Variants in PRORP observed in about 807,000 individuals in gnomAD.
PRORP encodes mitochondrial ribonuclease P catalytic subunit.
In PRORP, 51 loss-of-function variants were observed where a neutral mutation model predicts 59.4. The observed-to-expected ratio is 0.86, with a 90% confidence interval of 0.69 to 1.08. The LOEUF (loss-of-function observed/expected upper bound fraction) is 1.08, where lower values mean the gene tolerates loss of function less well. PRORP is among the 50% of genes least tolerant of loss of function. PRORP has a pLI of 0.00. For synonymous variants in PRORP, 231 were observed against 245.6 expected (o/e 0.94, Z 0.55); for missense variants, 646 against 690.3 (o/e 0.94, Z 0.72).
In PRORP at chr14:35,262,669, A is replaced by C; in HGVS notation, c.1276-4058A>C. ...AACTGAAAGGAACTGGCTGCCGTTCAGACTATTTGTAGTCATGTACAGAAC... is the reference window on the plus strand; with the variant it reads ...AACTGAAAGGAACTGGCTGCCGTTCCGACTATTTGTAGTCATGTACAGAAC... On this transcript the variant is annotated intron_variant, in intron 5 of 7. Coordinates refer to ENST00000534898, the MANE Select transcript of PRORP (RefSeq NM_014672.4). The C allele has an allele frequency of 3.8e-6, 3 of 780,602 alleles. No homozygotes were observed. The East Asian group carries it at 7.3e-5, about 19-fold the overall frequency. 48.4% of individuals were successfully genotyped at this position (780,602 alleles called of 1,614,324 possible).
chr14:35,227,440 T>A (rs2049963731), intron 5 of PRORP, among the ~76,000 whole-genome samples: 1 of 150,850 alleles, frequency 6.6e-6, no homozygotes, highest in Admixed American at 6.6e-5. Flanking sequence ...CGAGACTCTG[T>A]CTCAAAAAAA....
intron 5 of PRORP, among the ~76,000 whole-genome samples, chr14:35,254,158 T>C (rs923723075): frequency 6.6e-6 from 1 of 151,946 alleles, no homozygotes; most frequent in African/African-American, 2.4e-5. Context: ...CTCTCCTTGT[T>C]TCCCACATCC....
intron 5 of PRORP, among the ~76,000 whole-genome samples, chr14:35,209,766 C>A (rs745371924): frequency 8.5e-5 from 13 of 152,244 alleles, no homozygotes; most frequent in Middle Eastern, 3.4e-3. Flanking sequence ...AAACTCCTGA[C>A]CTCAGGTGAT....
At chr14:35,181,172 C>T (rs773805054) in intron 5 of PRORP, among the ~76,000 whole-genome samples, 2 of 152,112 alleles carry the variant, frequency 1.3e-5, no homozygotes, top group African/African-American at 4.8e-5. Flanking sequence ...TCACTCATTA[C>T]TCACATTTGT....
chr14:35,141,647 A>G lies in PRORP; in HGVS notation c.1167+14036A>G, dbSNP rs1253326700. 1.4e-5 allele frequency among the ~76,000 whole-genome samples: 2 copies of G among 145,574 alleles called. 1 individual carries two copies. Among genetic ancestry groups the G allele is most frequent in the African/African-American group, 4.9e-5 (2 of 40,998 alleles). ...AAGATAATAATTCTTTAATATTTTC[A>G]TTAGAGAAAATTTCAAACATAATCA... On this transcript the variant is annotated intron_variant, in intron 4 of 7. Coordinates refer to ENST00000534898, the MANE Select transcript of PRORP (RefSeq NM_014672.4).
At chr14:35,235,671 A>C (rs2050192359) in intron 5 of PRORP, 1 of 400,460 alleles carries the variant, frequency 2.5e-6, no homozygotes, top group Non-Finnish European at 4.9e-6. Context: ...AATATTTTTT[A>C]GTACCTTCTG....
chr14:35,235,500 G>T, intron 5 of PRORP: 2 of 613,752 alleles, frequency 3.3e-6, no homozygotes, highest in Non-Finnish European at 6.1e-6. Flanking sequence ...TCCACTTCAT[G>T]TGCAGTCACC....
At chr14:35,203,927 A>G (rs2049225382) in intron 5 of PRORP, among the ~76,000 whole-genome samples, 1 of 152,222 alleles carries the variant, frequency 6.6e-6, no homozygotes, top group Admixed American at 6.5e-5. Context: ...AATGACAACA[A>G]AAATTCTCCT....
At position 35,123,594 on chromosome 14, in the gene PRORP, C is replaced by T. The variant is rs1341261817; in HGVS notation, c.349C>T (p.Gln117Ter). 2.5e-6 allele frequency: 4 copies of T among 1,614,198 alleles called. No homozygotes were observed. The highest frequency in any genetic ancestry group is 1.1e-5 in the South Asian group (1 of 91,086). ...PVRNTIQLPT[Q>*]PLNSEEWDKL... ...GAGGAACACTATTCAACTCCCAACA[C>T]AACCTTTGAATTCAGAGGAGTGGGA... Residue 117 changes from glutamine (Q) to a stop codon, truncating the protein, a stop_gained, in exon 2 of 8, where the codon CAA (glutamine) becomes TAA (stop). Coordinates refer to ENST00000534898, the MANE Select transcript of PRORP (RefSeq NM_014672.4). LOFTEE classifies it high-confidence loss of function.
chr14:35,266,992 T>TAAA (rs369946634), intron 6 of PRORP, 117 bp downstream of exon 6: 1,850 of 668,730 alleles, frequency 2.8e-3, no homozygotes, highest in Middle Eastern at 5.6e-3. Context: ...TCACCCTCAT[T>TAAA]AAAAAAAAAA....
intron 5 of PRORP, among the ~76,000 whole-genome samples, chr14:35,259,756 A>G (rs2050851409): frequency 6.6e-6 from 1 of 152,144 alleles, no homozygotes. Context: ...TTAGCCAGGC[A>G]TGGTGCCGTG....
chr14:35,249,693 A>G (rs1473113316), intron 5 of PRORP, among the ~76,000 whole-genome samples: 1 of 152,242 alleles, frequency 6.6e-6, no homozygotes, highest in Admixed American at 6.5e-5. Context: ...TAGAACTGGT[A>G]TTAGAAATCC....
intron 4 of PRORP, among the ~76,000 whole-genome samples, chr14:35,171,742 A>C (rs1015071624): frequency 1.3e-5 from 2 of 152,114 alleles, no homozygotes; most frequent in Non-Finnish European, 2.9e-5. Context: ...TTATTACTCT[A>C]TCCTTTCTAT....
intron 4 of PRORP, among the ~76,000 whole-genome samples, chr14:35,139,836 A>G (rs2047444380): frequency 6.9e-6 from 1 of 145,744 alleles, no homozygotes; most frequent in Admixed American, 7.1e-5. Flanking sequence ...TGGCAAGGTC[A>G]TGCTCCTTTT....
chr14:35,223,381 C>T (rs921757218), intron 5 of PRORP, among the ~76,000 whole-genome samples: 1 of 151,742 alleles, frequency 6.6e-6, no homozygotes, highest in Non-Finnish European at 1.5e-5. Context: ...ATAGAACATA[C>T]TTTACTAATG....
intron 5 of PRORP, among the ~76,000 whole-genome samples, chr14:35,261,412 T>C (rs1324890365): frequency 6.6e-6 from 1 of 152,230 alleles, no homozygotes; most frequent in African/African-American, 2.4e-5. Flanking sequence ...GAATCTTAAG[T>C]TGAATTTTCT....
At chr14:35,154,344 C>T (rs1198104595) in intron 4 of PRORP, among the ~76,000 whole-genome samples, 1 of 152,194 alleles carries the variant, frequency 6.6e-6, no homozygotes, top group Non-Finnish European at 1.5e-5. Context: ...CTTTAGTCTA[C>T]CTTTCTCCTT....
chr14:35,128,278 G>GTT (rs555717483), intron 4 of PRORP, among the ~76,000 whole-genome samples: 138 of 137,768 alleles, frequency 1.0e-3, no homozygotes, highest in Admixed American at 1.3e-3. Flanking sequence ...GTAGTTTTTT[G>GTT]TTTTTTTTTT....
In PRORP at chr14:35,273,648, G is replaced by A. The variant is rs2051252806; in HGVS notation, c.*82G>A. The A allele has an allele frequency of 7.6e-7, 1 of 1,307,808 alleles. No homozygotes were observed. The highest frequency in any genetic ancestry group is 1.5e-5 in the African/African-American group (1 of 66,642). The allele number at this position is 1,307,808 out of a possible 1,614,324, so 81.0% of individuals were successfully genotyped here. On this transcript the variant is annotated 3_prime_UTR_variant, in exon 8 of 8. Transcript: ENST00000534898. ...GGCTCTTGAGCTGGTGTTTGTTTAG[G>A]GCATTGCCTCTGTCCTGAAGATAAA...
Sources: gnomAD v4.1 joint callset for allele counts (sites outside exome capture counted in the v4.1 genomes callset) on GRCh38, gnomAD v4.1.1 for gene constraint, MANE v1.5 for transcripts, NCBI Gene and HGNC (gene_info 2026-07-23, HGNC 2026-07-21) for gene names.